BCAR3: variants seen among roughly 807,000 people sequenced by gnomAD.
BCAR3 encodes breast cancer anti-estrogen resistance protein 3.
Under a neutral mutation model 80.1 loss-of-function variants are expected in BCAR3, and 37 were observed. The observed-to-expected ratio is 0.46, with a 90% CI of 0.36 to 0.61. The LOEUF (loss-of-function observed/expected upper bound fraction) is 0.61, where lower values mean the gene tolerates loss of function less well. BCAR3 is among the 20% of genes least tolerant of loss of function. The pLI, the probability that BCAR3 is intolerant of heterozygous loss-of-function variation, is 0.00. For synonymous variants in BCAR3, 389 were observed against 418.9 expected (o/e 0.93, Z 0.87); for missense variants, 978 against 1,068.2 (o/e 0.92, Z 1.18).
At chr1:93,826,741 T>G (rs1194196770) in intron 2 of BCAR3, among the ~76,000 whole-genome samples, 1 of 152,086 alleles carries the variant, frequency 6.6e-6, no homozygotes, top group Non-Finnish European at 1.5e-5. Context: ...GAAAGTACAC[T>G]GAAGTCGAAA....
chr1:93,644,450 T>C (rs931110762), intron 2 of BCAR3, among the ~76,000 whole-genome samples: 1 of 152,236 alleles, frequency 6.6e-6, no homozygotes, highest in Admixed American at 6.5e-5. Context: ...AGCCCCTGCT[T>C]TGAGTTGTCC....
intron 3 of BCAR3, among the ~76,000 whole-genome samples, chr1:93,615,020 T>G (rs527371889): frequency 6.6e-6 from 1 of 151,594 alleles, no homozygotes; most frequent in Non-Finnish European, 1.5e-5. Context: ...TTTTTTTTTT[T>G]TTTTTAATCA....
intron 2 of BCAR3, among the ~76,000 whole-genome samples, chr1:93,762,596 T>C (rs1179743825): frequency 6.6e-6 from 1 of 152,206 alleles, no homozygotes; most frequent in African/African-American, 2.4e-5. Context: ...TACGGACTCA[T>C]GCTTCTCTGC....
At chr1:93,698,092 G>A (rs1242486460) in intron 3 of BCAR3, among the ~76,000 whole-genome samples, 2 of 152,230 alleles carry the variant, frequency 1.3e-5, no homozygotes. Flanking sequence ...GAAGGGCTAC[G>A]GCGGAGGCAG....
intron 3 of BCAR3, among the ~76,000 whole-genome samples, chr1:93,687,706 G>A (rs892134862): frequency 3.9e-5 from 6 of 152,310 alleles, no homozygotes; most frequent in African/African-American, 1.4e-4. Context: ...AAAAGCCTTT[G>A]TCAGGGAGCA....
At chr1:93,796,545 G>A (rs1375224496) in intron 2 of BCAR3, among the ~76,000 whole-genome samples, 1 of 150,798 alleles carries the variant, frequency 6.6e-6, no homozygotes. Context: ...ACTGGCCTGC[G>A]CCCACTGTCT....
chr1:93,833,417 G>C (rs1654647097), intron 2 of BCAR3, among the ~76,000 whole-genome samples: 1 of 152,174 alleles, frequency 6.6e-6, no homozygotes, highest in African/African-American at 2.4e-5. Context: ...CAGGGTTCAA[G>C]AGCAGAGGAC....
chr1:93,614,194 A>G, intron 3 of BCAR3: 1 of 1,223,592 alleles, frequency 8.2e-7, no homozygotes, highest in Non-Finnish European at 1.0e-6. Context: ...AGAAATTCTC[A>G]TGTGACCAGA....
chr1:93,818,639 C>A (rs930839606), intron 2 of BCAR3, among the ~76,000 whole-genome samples: 2 of 152,156 alleles, frequency 1.3e-5, no homozygotes, highest in Non-Finnish European at 2.9e-5. Context: ...TACTGAGGAC[C>A]AGGCATTTGT....
At chr1:93,770,927 G>C (rs548258005) in intron 2 of BCAR3, among the ~76,000 whole-genome samples, 3 of 152,064 alleles carry the variant, frequency 2.0e-5, no homozygotes, top group Admixed American at 6.5e-5. Context: ...CCCAGTCCCG[G>C]CTCTCAGTGG....
intron 1 of BCAR3, among the ~76,000 whole-genome samples, chr1:93,677,729 C>A (rs533247093): frequency 6.6e-6 from 1 of 152,214 alleles, no homozygotes; most frequent in African/African-American, 2.4e-5. Flanking sequence ...GGGGACCCAC[C>A]CCTGCAGGAA....
chr1:93,713,781 C>T (rs1026031760), intron 2 of BCAR3, among the ~76,000 whole-genome samples: 3 of 152,058 alleles, frequency 2.0e-5, no homozygotes, highest in African/African-American at 7.2e-5. Context: ...GAAGTGGTTA[C>T]TTAGTGAATT....
intron 11 of BCAR3, among the ~76,000 whole-genome samples, chr1:93,565,692 A>G (rs1289005215): frequency 6.6e-6 from 1 of 152,164 alleles, no homozygotes; most frequent in Non-Finnish European, 1.5e-5. Flanking sequence ...TTATTGTTTG[A>G]GTAACATACA....
intron 2 of BCAR3, among the ~76,000 whole-genome samples, chr1:93,721,377 C>T (rs1208651055): frequency 6.6e-6 from 1 of 152,158 alleles, no homozygotes; most frequent in African/African-American, 2.4e-5. Flanking sequence ...ACTTTGTCAA[C>T]CCAGAAGAAT....
chr1:93,655,972 T>C (rs1202241059), intron 2 of BCAR3, among the ~76,000 whole-genome samples: 1 of 152,232 alleles, frequency 6.6e-6, no homozygotes, highest in Non-Finnish European at 1.5e-5. Flanking sequence ...GGCATCCTTT[T>C]CCTTCTTCGT....
intron 2 of BCAR3, among the ~76,000 whole-genome samples, chr1:93,763,669 C>A (rs537800478): frequency 1.3e-5 from 2 of 152,278 alleles, no homozygotes; most frequent in African/African-American, 4.8e-5. Context: ...CTCCTGCCCA[C>A]CTCTCTCTCC....
chr1:93,677,483 G>A (rs545072074), intron 1 of BCAR3, among the ~76,000 whole-genome samples: 149 of 152,332 alleles, frequency 9.8e-4, no homozygotes, highest in Middle Eastern at 3.4e-3. Context: ...CTGTACCCAA[G>A]TAGGTGACTC....
intron 2 of BCAR3, among the ~76,000 whole-genome samples, chr1:93,788,202 T>C (rs1019033476): frequency 5.9e-5 from 9 of 152,182 alleles, no homozygotes; most frequent in East Asian, 3.8e-4. Context: ...TGAGTCCTTA[T>C]GTATTAGGTG....
rs112206748 is a variant in BCAR3 at position 93,768,573 on chromosome 1, G to A, written c.-62-62431C>T. 3.4e-3 allele frequency among the ~76,000 whole-genome samples: 524 copies of A among 152,266 alleles called. 6 individuals carry two copies. Among genetic ancestry groups the A allele is most frequent in the Middle Eastern group, 0.017 (5 of 294 alleles). On this transcript the variant is annotated intron_variant, in intron 2 of 13. Transcript: ENST00000370244. ...TTGGTAACTAGGAGAACTTAAAACCGGAGCTGGGAGTGCAATGTGATCACC... is the reference window on the plus strand; with the variant it reads ...TTGGTAACTAGGAGAACTTAAAACCAGAGCTGGGAGTGCAATGTGATCACC...
Sources: allele counts gnomAD v4.1 joint callset (sites outside exome capture counted in the v4.1 genomes callset), GRCh38; gene constraint gnomAD v4.1.1; transcripts MANE v1.5; gene names NCBI Gene and HGNC (gene_info 2026-07-23, HGNC 2026-07-21).